Variants in IQCK observed in about 807,000 individuals in gnomAD.
IQCK encodes the protein IQ domain-containing protein K.
IQCK carries 29 observed loss-of-function variants against 28.1 expected under a neutral mutation model. That is an observed-to-expected ratio of 1.03 (90% CI 0.77 to 1.41). The LOEUF is 1.41. Among genes scored for constraint, IQCK ranks in the 40% most tolerant of loss-of-function variants. IQCK has a pLI of 0.00. For synonymous variants in IQCK, 113 were observed against 115.1 expected (o/e 0.98, Z 0.12); for missense variants, 359 against 314.7 (o/e 1.14, Z -1.07).
intron 6 of IQCK, among the ~76,000 whole-genome samples, chr16:19,780,426 C>A (rs562423454): frequency 6.6e-6 from 1 of 152,132 alleles, no homozygotes; most frequent in African/African-American, 2.4e-5. Flanking sequence ...CCTCCTTGGC[C>A]TCTCTAAGTG....
chr16:19,857,745 TAA>T lies in IQCK; in HGVS notation c.*1216_*1217del, dbSNP rs397937342. ...CAGTGGGTCCTGACGGCATCTGGGC[TAA>T]AAAAAAAAAAAAAAAAAAGCACTGG... On this transcript the variant is annotated 3_prime_UTR_variant, in exon 10 of 10. Coordinates refer to the IQCK transcript ENST00000320394. The T allele has an allele frequency of 4.4e-3, 438 of 98,598 alleles. 2 individuals carry two copies. The highest frequency in any genetic ancestry group is 0.012 in the African/African-American group (315 of 27,088). The allele number at this position is 98,598 out of a possible 1,614,324, so 6.1% of individuals were successfully genotyped here. A position where few individuals can be genotyped will look rare whatever the true frequency, so the allele number is the denominator to read the frequency against.
At chr16:19,839,201 C>T (rs987753976) in intron 9 of IQCK, among the ~76,000 whole-genome samples, 41 of 151,668 alleles carry the variant, frequency 2.7e-4, no homozygotes, top group African/African-American at 9.2e-4. Flanking sequence ...CACTCTGTCA[C>T]CCAGGATGGA....
chr16:19,780,634 C>T (rs915534856), intron 6 of IQCK, among the ~76,000 whole-genome samples: 17 of 152,176 alleles, frequency 1.1e-4, no homozygotes, highest in African/African-American at 3.9e-4. Flanking sequence ...CACTTAAATC[C>T]AGCGTCTCCT....
chr16:19,809,015 G>C (rs1032270299), intron 7 of IQCK, among the ~76,000 whole-genome samples: 10 of 152,068 alleles, frequency 6.6e-5, no homozygotes, highest in Non-Finnish European at 1.2e-4. Flanking sequence ...GCGCCACCAC[G>C]GCCAGCTAAT....
intron 4 of IQCK, chr16:19,761,502 A>T: frequency 1.1e-5 from 5 of 442,872 alleles, no homozygotes; most frequent in South Asian, 8.1e-5. Flanking sequence ...CTTCTTGGGA[A>T]GGATCTCTCC....
At chr16:19,760,105 C>CAG (rs905114496) in intron 4 of IQCK, among the ~76,000 whole-genome samples, 1 of 152,108 alleles carries the variant, frequency 6.6e-6, no homozygotes, top group South Asian at 2.1e-4. Context: ...GCCTGGGTGA[C>CAG]AGAGAGAGAC....
At chr16:19,765,896 A>G (rs1333637707) in intron 6 of IQCK, 2 of 152,212 alleles carry the variant, frequency 1.3e-5, no homozygotes, top group Non-Finnish European at 2.9e-5. Context: ...GTAATAACCA[A>G]TGAAAAATAA....
intron 4 of IQCK, among the ~76,000 whole-genome samples, chr16:19,763,479 A>G (rs577076247): frequency 2.0e-5 from 3 of 151,994 alleles, no homozygotes; most frequent in South Asian, 4.2e-4. Flanking sequence ...GTCTCACCCT[A>G]TTGCCCAGGC....
At chr16:19,810,187 G>A (rs2055884487) in intron 7 of IQCK, among the ~76,000 whole-genome samples, 1 of 152,224 alleles carries the variant, frequency 6.6e-6, no homozygotes, top group Admixed American at 6.5e-5. Flanking sequence ...TCCTTGACTC[G>A]GTTTCCTCTT....
At position 19,827,137 on chromosome 16, in the gene IQCK, G is replaced by T. The variant is rs970433860; in HGVS notation, c.802G>T (p.Gly268Cys). 8.1e-6 allele frequency: 13 copies of T among 1,601,928 alleles called. No individual in the cohort carries two copies. The Admixed American group carries it at 1.8e-4, about 23-fold the overall frequency. ...TTTCTGGGCCAAGCAAGAACAAAAA[G>T]GTAAGTTGCTGGATTCACTGTCCTT... The change falls in exon 8 of 8, where the codon GGT becomes TGT. Residue 268 changes from glycine to cysteine, a missense_variant. Coordinates refer to ENST00000564186, the Ensembl canonical transcript of IQCK.
chr16:19,822,200 A>G (rs140541578), intron 7 of IQCK, among the ~76,000 whole-genome samples: 1,708 of 151,748 alleles, frequency 0.011, 39 homozygotes, highest in Non-Finnish European at 0.012. Flanking sequence ...AGCCTGGCCA[A>G]CATGGTGAAA....
At chr16:19,852,251 T>C (rs978506657) in intron 9 of IQCK, among the ~76,000 whole-genome samples, 1 of 152,150 alleles carries the variant, frequency 6.6e-6, no homozygotes, top group Non-Finnish European at 1.5e-5. Flanking sequence ...GGGTGAAATA[T>C]GCGTACAACA....
At chr16:19,758,861 T>G (rs1184461511) in intron 4 of IQCK, among the ~76,000 whole-genome samples, 1 of 152,152 alleles carries the variant, frequency 6.6e-6, no homozygotes, top group Non-Finnish European at 1.5e-5. Flanking sequence ...CAATAAAGGT[T>G]TCGGTAAAAA....
intron 7 of IQCK, among the ~76,000 whole-genome samples, chr16:19,806,610 G>T (rs1035691222): frequency 6.6e-6 from 1 of 151,844 alleles, no homozygotes; most frequent in African/African-American, 2.4e-5. Flanking sequence ...GATGGCTTGA[G>T]CCCGGGAGGC....
intron 6 of IQCK, among the ~76,000 whole-genome samples, chr16:19,786,159 C>T (rs536053633): frequency 6.6e-6 from 1 of 152,290 alleles, no homozygotes; most frequent in East Asian, 1.9e-4. Context: ...TGAATTTTAA[C>T]TAGTGAAGGG....
intron 1 of IQCK, among the ~76,000 whole-genome samples, chr16:19,726,613 G>T (rs1384345732): frequency 6.6e-6 from 1 of 152,210 alleles, no homozygotes; most frequent in African/African-American, 2.4e-5. Flanking sequence ...CATCATGTAT[G>T]TAGCAACATT....
chr16:19,743,970 G>A (rs1284534986), intron 4 of IQCK, among the ~76,000 whole-genome samples: 1 of 152,180 alleles, frequency 6.6e-6, no homozygotes, highest in African/African-American at 2.4e-5. Context: ...CATCTATTGT[G>A]TGGTGTGTGG....
At chr16:19,857,443 C>CT in exon 10 of IQCK, 2 of 438,454 alleles carry the variant, frequency 4.6e-6, no homozygotes, top group Non-Finnish European at 9.0e-6. Context: ...TCTTTAACTT[C>CT]TTTTTTATAA....
At chr16:19,781,026 T>C (rs1258440011) in intron 6 of IQCK, among the ~76,000 whole-genome samples, 1 of 152,134 alleles carries the variant, frequency 6.6e-6, no homozygotes, top group Admixed American at 6.5e-5. Context: ...GAAGATCCCC[T>C]GTGAGAGGTT....
Sources: allele counts gnomAD v4.1 joint callset (sites outside exome capture counted in the v4.1 genomes callset), GRCh38; gene constraint gnomAD v4.1.1; transcripts MANE v1.5; gene names NCBI Gene and HGNC (gene_info 2026-07-23, HGNC 2026-07-21).